The following CNBD1 variants were observed in gnomAD, a reference collection of about 807,000 sequenced individuals.
CNBD1 encodes the protein cyclic nucleotide-binding domain-containing protein 1.
In CNBD1, 71 loss-of-function variants were observed where a neutral mutation model predicts 54.4. The observed-to-expected ratio is 1.30, with a 90% CI of 1.08 to 1.59. The LOEUF (loss-of-function observed/expected upper bound fraction) is 1.59. Ranked by LOEUF, CNBD1 falls within the 40% of genes most tolerant of loss-of-function variation. CNBD1 has a pLI of 0.00. For synonymous variants in CNBD1, 182 were observed against 170.7 expected (o/e 1.07, Z -0.51); for missense variants, 659 against 518.0 (o/e 1.27, Z -2.64).
chr8:86,876,778 T>C (rs1485034767), intron 1 of CNBD1, among the ~76,000 whole-genome samples: 3 of 151,996 alleles, frequency 2.0e-5, no homozygotes, highest in African/African-American at 7.2e-5. Flanking sequence ...ATATCCTCTT[T>C]TGATTTAAGA....
intron 4 of CNBD1, among the ~76,000 whole-genome samples, chr8:87,193,646 T>G (rs1813656108): frequency 6.6e-6 from 1 of 152,204 alleles, no homozygotes; most frequent in African/African-American, 2.4e-5. Context: ...ATGAATGAAG[T>G]CTTTCTTGTA....
intron 2 of CNBD1, among the ~76,000 whole-genome samples, chr8:87,422,670 A>C (rs1228138211): frequency 1.3e-5 from 2 of 152,152 alleles, no homozygotes; most frequent in East Asian, 1.9e-4. Context: ...TGTTTTGGTT[A>C]CTGTAGCCTT....
chr8:87,152,158 T>C (rs1219804409), intron 4 of CNBD1, among the ~76,000 whole-genome samples: 3 of 151,984 alleles, frequency 2.0e-5, no homozygotes, highest in Admixed American at 1.3e-4. Context: ...AAAAAACCTG[T>C]AAGTTACACC....
chr8:86,976,017 G>A lies in CNBD1; in HGVS notation c.431+36263G>A, dbSNP rs146178549. On this transcript the variant is annotated intron_variant, in intron 4 of 10. Coordinates refer to ENST00000518476, the MANE Select transcript of CNBD1 (RefSeq NM_173538.3). ...TATTTTTTTCATACCTGTTGACCAC[G>A]CATATTTTTTTTGAAAAATGTCTAT... Among the ~76,000 whole-genome samples the A allele has an allele frequency of 4.6e-5, 7 of 151,384 alleles. No individual in the cohort carries two copies. In the East Asian group the frequency reaches 7.8e-4, roughly 17 times the overall value.
chr8:87,126,012 C>T (rs1321578705), intron 4 of CNBD1, among the ~76,000 whole-genome samples: 1 of 151,632 alleles, frequency 6.6e-6, no homozygotes, highest in South Asian at 2.1e-4. Flanking sequence ...TTTGTTCCTT[C>T]CTTTTTATTT....
intron 4 of CNBD1, among the ~76,000 whole-genome samples, chr8:87,039,912 C>T (rs903235509): frequency 6.6e-6 from 1 of 152,058 alleles, no homozygotes; most frequent in Admixed American, 6.5e-5. Flanking sequence ...ATGCTGTCTT[C>T]TGCACTGAGT....
At chr8:87,214,200 T>A (rs1173873583) in intron 5 of CNBD1, among the ~76,000 whole-genome samples, 2 of 152,198 alleles carry the variant, frequency 1.3e-5, no homozygotes, top group Non-Finnish European at 2.9e-5. Context: ...TGAATTGTTA[T>A]GCTCTGTTTT....
intron 5 of CNBD1, among the ~76,000 whole-genome samples, chr8:87,221,399 C>G (rs1467018057): frequency 6.6e-6 from 1 of 152,076 alleles, no homozygotes; most frequent in African/African-American, 2.4e-5. Context: ...TCTTTATCAA[C>G]CTTCCTAGCT....
Position 87,390,933 on chromosome 8 carries a change from C to T in CNBD1, c.213+37147C>T, listed in dbSNP as rs191202799. Among the ~76,000 whole-genome samples, 221 of 152,238 alleles carry T rather than the reference C, an allele frequency of 1.5e-3. 1 individual carries two copies. Among genetic ancestry groups the T allele is most frequent in the African/African-American group, 5.3e-3 (219 of 41,526 alleles). Reference sequence around the variant, plus strand: ...GCCATAAAAAACGATGAGTTCATATCCTTTGTAGGGAGATGGATGAAGCTG... The same window carrying T: ...GCCATAAAAAACGATGAGTTCATATTCTTTGTAGGGAGATGGATGAAGCTG... On this transcript the variant is annotated intron_variant, in intron 2 of 7. Transcript: ENST00000521593.
At chr8:87,401,447 G>A (rs1807562220) in intron 2 of CNBD1, among the ~76,000 whole-genome samples, 1 of 152,058 alleles carries the variant, frequency 6.6e-6, no homozygotes, top group Non-Finnish European at 1.5e-5. Flanking sequence ...GGGTGACCAA[G>A]GAATGCCCTT....
Position 87,028,152 on chromosome 8 carries a change from G to A in CNBD1, c.431+88398G>A, listed in dbSNP as rs1809697767. 3.3e-5 allele frequency among the ~76,000 whole-genome samples: 5 copies of A among 152,152 alleles called. No individual in the cohort carries two copies. In the South Asian group the frequency reaches 1.0e-3, roughly 32 times the overall value. ...AGTTAGGCTTGTTCAACTTGCAAATGGAAATTCCTTTAAAAATTTGAGAAA... is the reference window on the plus strand; with the variant it reads ...AGTTAGGCTTGTTCAACTTGCAAATAGAAATTCCTTTAAAAATTTGAGAAA... On this transcript the variant is annotated intron_variant, in intron 4 of 10. Transcript: ENST00000518476.
chr8:86,951,466 G>A (rs988248652), intron 4 of CNBD1, among the ~76,000 whole-genome samples: 2 of 151,068 alleles, frequency 1.3e-5, no homozygotes, highest in African/African-American at 4.9e-5. Context: ...TGTAATCCCA[G>A]CTATTCTGGA....
chr8:87,382,121 A>G (rs1158335651), intron 10 of CNBD1, among the ~76,000 whole-genome samples: 2 of 151,842 alleles, frequency 1.3e-5, no homozygotes, highest in Non-Finnish European at 2.9e-5. Flanking sequence ...ACAAATATAG[A>G]CATATAATTT....
At chr8:86,911,702 A>G (rs1444732616) in intron 3 of CNBD1, among the ~76,000 whole-genome samples, 3 of 152,158 alleles carry the variant, frequency 2.0e-5, no homozygotes, top group African/African-American at 7.2e-5. Context: ...ACATGAGCTT[A>G]TATTTAGAAA....
chr8:87,390,336 T>C (rs1166345818), intron 2 of CNBD1, among the ~76,000 whole-genome samples: 1 of 152,154 alleles, frequency 6.6e-6, no homozygotes, highest in Non-Finnish European at 1.5e-5. Context: ...AAAAAATTTT[T>C]GCAATCTACT....
chr8:86,944,582 CT>C (rs1309331271), intron 4 of CNBD1, among the ~76,000 whole-genome samples: 1 of 152,122 alleles, frequency 6.6e-6, no homozygotes, highest in African/African-American at 2.4e-5. Context: ...GCAACATGGT[CT>C]GCAAATAGAA....
chr8:86,875,793 T>A (rs1808511532), intron 1 of CNBD1, among the ~76,000 whole-genome samples: 1 of 152,198 alleles, frequency 6.6e-6, no homozygotes, highest in South Asian at 2.1e-4. Context: ...TGTTGAATTT[T>A]ACTGGATACT....
At chr8:86,944,178 T>C (rs904024405) in intron 4 of CNBD1, among the ~76,000 whole-genome samples, 3 of 152,210 alleles carry the variant, frequency 2.0e-5, no homozygotes, top group Non-Finnish European at 4.4e-5. Flanking sequence ...AATATTAAAA[T>C]CTAGGAACTG....
rs375154425 is a variant in CNBD1 at position 87,077,248 on chromosome 8, A to G, written c.432-128745A>G. ...GGAGCGACTTAAACAACAAACTTGT[A>G]TTTCTCACTGTTCTGGAGATTTAAA... On this transcript the variant is annotated intron_variant, in intron 4 of 10. Transcript: ENST00000518476. Among the ~76,000 whole-genome samples the G allele has an allele frequency of 3.9e-5, 6 of 152,200 alleles. No homozygotes were observed. In the East Asian group the frequency reaches 5.8e-4, roughly 15 times the overall value.
Sources: gnomAD v4.1 joint callset for allele counts (sites outside exome capture counted in the v4.1 genomes callset) on GRCh38, gnomAD v4.1.1 for gene constraint, MANE v1.5 for transcripts, NCBI Gene and HGNC (gene_info 2026-07-23, HGNC 2026-07-21) for gene names.